AGO1: variants seen among roughly 807,000 people sequenced by gnomAD.
The protein encoded by AGO1 is protein argonaute-1.
Under a neutral mutation model 109.2 loss-of-function variants are expected in AGO1, and 11 were observed. That is an observed-to-expected ratio of 0.10 (90% confidence interval 0.06 to 0.17). The LOEUF (loss-of-function observed/expected upper bound fraction) is 0.17. AGO1 is among the 10% of genes least tolerant of loss of function. AGO1 has a pLI of 1.00. For synonymous variants in AGO1, 422 were observed against 418.6 expected (o/e 1.01, Z -0.10); for missense variants, 574 against 1,140.3 (o/e 0.50, Z 7.15).
chr1:35,890,547 G>A (rs995288219), intron 2 of AGO1, among the ~76,000 whole-genome samples: 9 of 152,104 alleles, frequency 5.9e-5, no homozygotes, highest in African/African-American at 2.2e-4. Context: ...TATAACTTAT[G>A]TAATAAATCT....
At chr1:35,912,561 ATTTTATTTTATTT>A (rs1645656123) in intron 12 of AGO1, among the ~76,000 whole-genome samples, 1 of 151,518 alleles carries the variant, frequency 6.6e-6, no homozygotes, top group Non-Finnish European at 1.5e-5. Context: ...GCCTATTTTT[ATTTTATTTTATTT>A]TTTTATTTAT....
At chr1:35,885,401 A>G (rs1379144168) in intron 1 of AGO1, among the ~76,000 whole-genome samples, 1 of 152,216 alleles carries the variant, frequency 6.6e-6, no homozygotes, top group Non-Finnish European at 1.5e-5. Flanking sequence ...AAGGAGCTAG[A>G]ACCTGCTGTT....
intron 12 of AGO1, among the ~76,000 whole-genome samples, chr1:35,907,621 A>G (rs1645547883): frequency 6.6e-6 from 1 of 151,938 alleles, no homozygotes; most frequent in South Asian, 2.1e-4. Context: ...CTTTTATGCC[A>G]TTTTCCGTCT....
At chr1:35,909,589 C>G (rs1645596044) in intron 12 of AGO1, among the ~76,000 whole-genome samples, 1 of 152,154 alleles carries the variant, frequency 6.6e-6, no homozygotes, top group African/African-American at 2.4e-5. Context: ...AGTTTAAATA[C>G]TACTTATTTT....
At chr1:35,890,025 A>G (rs1001206950) in intron 2 of AGO1, among the ~76,000 whole-genome samples, 1 of 151,238 alleles carries the variant, frequency 6.6e-6, no homozygotes, top group African/African-American at 2.4e-5. Context: ...AATTGTTACC[A>G]TTCTCTTCTT....
chr1:35,901,740 T>A lies in AGO1; in HGVS notation c.1140+147T>A. The A allele has an allele frequency of 7.2e-7, 1 of 1,384,032 alleles. No homozygotes were observed. Among genetic ancestry groups the A allele is most frequent in the Non-Finnish European group, 9.8e-7 (1 of 1,015,686 alleles). The allele number at this position is 1,384,032 out of a possible 1,614,324, so 85.7% of individuals were successfully genotyped here. ...AGGCTGCTTTTGCTTCTTGACCGTA[T>A]AGCTACTTTGCTTTCTGTCTCTTTT... On this transcript the variant is annotated intron_variant, in intron 9 of 18. Transcript: ENST00000373204. The surrounding 1 kb of genome is among the most constrained non-coding windows in gnomAD (Gnocchi z 4.8).
At chr1:35,884,937 A>G (rs945042004) in intron 1 of AGO1, among the ~76,000 whole-genome samples, 1 of 152,198 alleles carries the variant, frequency 6.6e-6, no homozygotes, top group Admixed American at 6.5e-5. Flanking sequence ...CATTTAGGCC[A>G]TGAACTTCAT....
In AGO1 at chr1:35,886,404, G is replaced by C. The variant is rs1311451404; in HGVS notation, c.26-2023G>C. ...GTCTTTCCTAGTTTGGAGATGAAGT[G>C]GGGGTGTGGGCTCCCCTGTTTTCCC... On this transcript the variant is annotated intron_variant, in intron 1 of 18. Transcript: ENST00000373204. Among the ~76,000 whole-genome samples, 4 of 152,128 alleles carry C rather than the reference G, an allele frequency of 2.6e-5. No individual in the cohort carries two copies. The East Asian group carries it at 7.7e-4, about 29-fold the overall frequency.
chr1:35,870,504 C>T (rs533975943), intron 1 of AGO1, among the ~76,000 whole-genome samples: 9 of 152,090 alleles, frequency 5.9e-5, no homozygotes, highest in Non-Finnish European at 1.3e-4. Context: ...AGGATGGTCT[C>T]GATCTCTTGA....
chr1:35,896,622 G>A (rs1218942176), intron 8 of AGO1, among the ~76,000 whole-genome samples: 1 of 152,162 alleles, frequency 6.6e-6, no homozygotes, highest in African/African-American at 2.4e-5. Flanking sequence ...GCCTCCCAAA[G>A]TGCTGGATTA....
In AGO1 at chr1:35,890,626, C is replaced by G. The variant is rs754701397; in HGVS notation, c.210-1931C>G. Among the ~76,000 whole-genome samples the G allele has an allele frequency of 2.6e-4, 40 of 152,180 alleles. 1 individual carries two copies. In the Middle Eastern group the frequency reaches 0.017, roughly 65 times the overall value. On this transcript the variant is annotated intron_variant, in intron 2 of 18. Coordinates refer to ENST00000373204, the MANE Select transcript of AGO1 (RefSeq NM_012199.5). ...TGTTGAATATTATTATATATAGATT[C>G]ATTTTTGCACTCATATGAGTATATT...
upstream of AGO1, among the ~76,000 whole-genome samples, chr1:35,881,852 C>T (rs1289497077): frequency 6.6e-6 from 1 of 152,196 alleles, no homozygotes; most frequent in Non-Finnish European, 1.5e-5. Context: ...CTTACCCCGC[C>T]TATCACTGCA....
intron 12 of AGO1, among the ~76,000 whole-genome samples, chr1:35,908,062 G>C (rs1226905111): frequency 6.6e-6 from 1 of 152,184 alleles, no homozygotes; most frequent in African/African-American, 2.4e-5. Context: ...TGAGGCTGCA[G>C]TTACCCAGCT....
Position 35,927,829 on chromosome 1 carries a change from A to C in AGO1, c.*8222A>C, listed in dbSNP as rs1257578153. ...TCACAGCAAGTAAGAGAGGGCCTTCAGTGTTAGCTGTGTCTGTCCCTAAAG... is the reference window on the plus strand; with the variant it reads ...TCACAGCAAGTAAGAGAGGGCCTTCCGTGTTAGCTGTGTCTGTCCCTAAAG... On this transcript the variant is annotated 3_prime_UTR_variant, in exon 19 of 19. Transcript: ENST00000373204. 5 of 152,228 alleles carry C rather than the reference A, an allele frequency of 3.3e-5. No homozygotes were observed. Among genetic ancestry groups the C allele is most frequent in the Non-Finnish European group, 5.9e-5 (4 of 68,040 alleles). The allele number at this position is 152,228 out of a possible 1,614,324, so 9.4% of individuals were successfully genotyped here.
Position 35,895,066 on chromosome 1 carries a change from G to T in AGO1, c.873-56G>T, listed in dbSNP as rs976050707. ...AGGCTTCCATGGTTGTGGGTCTAGA[G>T]AAGTGGGACTGAATGCTGGGTTATG... On this transcript the variant is annotated intron_variant, in intron 7 of 18. Transcript: ENST00000373204. 8.4e-6 allele frequency: 13 copies of T among 1,551,806 alleles called. No homozygotes were observed. In the African/African-American group the frequency reaches 1.5e-4, roughly 18 times the overall value.
chr1:35,903,303 G>T (rs1424055020), intron 11 of AGO1, among the ~76,000 whole-genome samples: 1 of 137,328 alleles, frequency 7.3e-6, no homozygotes, highest in Non-Finnish European at 1.5e-5. Flanking sequence ...ACTGTGCCCG[G>T]CCTTTTTTTT....
chr1:35,917,436 G>T (rs1293163180), intron 15 of AGO1, among the ~76,000 whole-genome samples, 157 bp from the exon 16 acceptor site: 1 of 152,184 alleles, frequency 6.6e-6, no homozygotes, highest in African/African-American at 2.4e-5. Flanking sequence ...CTTTTGACAA[G>T]AAGGGCCTGT....
At chr1:35,918,213 A>G (rs780098602) in intron 16 of AGO1, 109 bp from the exon 17 acceptor site, 4 of 863,530 alleles carry the variant, frequency 4.6e-6, no homozygotes, top group African/African-American at 3.3e-5. Context: ...GGGAATAGCA[A>G]CTTTGGCTTT....
intron 12 of AGO1, among the ~76,000 whole-genome samples, chr1:35,908,708 G>A (rs927782037): frequency 1.3e-5 from 2 of 151,984 alleles, no homozygotes; most frequent in African/African-American, 4.8e-5. Flanking sequence ...TTCAAACTTC[G>A]GAGACAGTCT....
Sources: allele counts gnomAD v4.1 joint callset (sites outside exome capture counted in the v4.1 genomes callset), GRCh38; gene constraint gnomAD v4.1.1; non-coding constraint Gnocchi (gnomAD v3.1); transcripts MANE v1.5; gene names NCBI Gene and HGNC (gene_info 2026-07-23, HGNC 2026-07-21).